The following OPHN1 variants were observed in gnomAD, a reference collection of about 807,000 sequenced individuals.
The protein encoded by OPHN1 is oligophrenin 1, also known as oligophrenin-1.
OPHN1 carries 11 observed loss-of-function variants against 60.7 expected under a neutral mutation model. That is an observed-to-expected ratio of 0.18 (90% CI 0.11 to 0.30). The LOEUF (loss-of-function observed/expected upper bound fraction) is 0.30, where lower values mean the gene tolerates loss of function less well. Ranked by LOEUF, OPHN1 falls within the 10% of genes least tolerant of loss-of-function variation. The pLI, the probability that OPHN1 is intolerant of heterozygous loss-of-function variation, is 1.00. For synonymous variants in OPHN1, 226 were observed against 222.6 expected, an observed-to-expected ratio of 1.02 and a Z score of -0.14; for missense variants, 449 against 611.0, an observed-to-expected ratio of 0.73 and a Z score of 2.80.
intron 3 of OPHN1, among the ~76,000 whole-genome samples, chrX:68,286,899 C>T (rs1400836288): frequency 9.2e-6 from 1 of 108,675 alleles, no homozygotes; most frequent in Non-Finnish European, 1.9e-5. Context: ...CCTGTAATTC[C>T]AGCTACTCAG....
rs2078896025 is a variant in OPHN1 at position 68,433,413 on chromosome X, C to G, written c.-250G>C. The stretch of plus-strand genomic sequence containing the variant: ...TGCAAACGTGACACTTGGGCCCGCC[C>G]AAGGTGTAGGCGAGGTTAGAGCTGG... On this transcript the variant is annotated 5_prime_UTR_variant, in exon 1 of 25. Coordinates refer to ENST00000355520, the MANE Select transcript of OPHN1 (RefSeq NM_002547.3). 1.8e-5 allele frequency: 5 copies of G among 280,908 alleles called. No homozygotes were observed. The highest frequency in any genetic ancestry group is 1.2e-5 in the Non-Finnish European group (2 of 160,551). The allele number at this position is 280,908 out of a possible 1,213,427, so 23.1% of individuals were successfully genotyped here.
intron 20 of OPHN1, among the ~76,000 whole-genome samples, chrX:68,065,098 A>C (rs1407768077): frequency 9.0e-6 from 1 of 111,334 alleles, no homozygotes; most frequent in Non-Finnish European, 1.9e-5. Context: ...ATATGTAACA[A>C]ACCTGCACGT....
At chrX:68,355,101 A>G (rs2078433764) in intron 2 of OPHN1, among the ~76,000 whole-genome samples, 1 of 111,928 alleles carries the variant, frequency 8.9e-6, no homozygotes, top group African/African-American at 3.2e-5. Context: ...AGCTCTGCAG[A>G]ATTCCTTCAT....
chrX:68,049,150 C>T (rs768188377), intron 23 of OPHN1, among the ~76,000 whole-genome samples: 83 of 111,721 alleles, frequency 7.4e-4, no homozygotes, highest in African/African-American at 2.4e-3. Context: ...ACTCCCCAGA[C>T]TTATATAGTG....
intron 9 of OPHN1, among the ~76,000 whole-genome samples, chrX:68,207,858 T>C (rs1271210334): frequency 9.0e-6 from 1 of 111,148 alleles, no homozygotes; most frequent in African/African-American, 3.3e-5. Context: ...TATTAATAAT[T>C]ACATCAGGAC....
chrX:68,274,684 T>A (rs1245148652), intron 5 of OPHN1, 54 bp downstream of exon 5: 10 of 835,680 alleles, frequency 1.2e-5, no homozygotes, highest in Non-Finnish European at 1.8e-5. Flanking sequence ...TAGTAGCCCA[T>A]ACAACTATTC....
intron 15 of OPHN1, among the ~76,000 whole-genome samples, chrX:68,169,282 G>C (rs190890729): frequency 1.8e-5 from 2 of 111,259 alleles, no homozygotes; most frequent in African/African-American, 6.5e-5. Context: ...AATAAAATAG[G>C]ATACAAAGAA....
chrX:68,143,816 G>A lies in OPHN1; in HGVS notation c.1277-24484C>T, dbSNP rs1001961516. Among the ~76,000 whole-genome samples, 9 of 111,415 alleles carry A rather than the reference G, an allele frequency of 8.1e-5. No homozygotes were observed. In the South Asian group the frequency reaches 1.1e-3, roughly 14 times the overall value. On this transcript the variant is annotated intron_variant, in intron 15 of 24. Coordinates refer to ENST00000355520, the MANE Select transcript of OPHN1 (RefSeq NM_002547.3). ...TTGTGTCTGGTTTCCTCTGAACATC[G>A]CTCTATGTGCCTTTTCCCGTTGCTA...
In OPHN1 at chrX:68,197,279, A is replaced by T. The variant is rs181246957; in HGVS notation, c.1026-15T>A. The T allele has an allele frequency of 1.6e-4, 183 of 1,174,833 alleles. No individual in the cohort carries two copies. In the African/African-American group the frequency reaches 3.0e-3, roughly 19 times the overall value. ...TGGTTCCTGGCCTGAGGGGGAAAAAAATGGTAAGTATAAAGCAGAAAATTC... is the reference window on the plus strand; with the variant it reads ...TGGTTCCTGGCCTGAGGGGGAAAAATATGGTAAGTATAAAGCAGAAAATTC... On this transcript the variant is annotated splice_polypyrimidine_tract_variant and intron_variant, in intron 11 of 24. Transcript: ENST00000355520.
chrX:68,161,896 A>C (rs1330812039), intron 15 of OPHN1, among the ~76,000 whole-genome samples: 1 of 111,562 alleles, frequency 9.0e-6, no homozygotes, highest in Non-Finnish European at 1.9e-5. Flanking sequence ...GGCAGCACAA[A>C]TTTATTAAAT....
intron 15 of OPHN1, among the ~76,000 whole-genome samples, chrX:68,126,986 C>T (rs1349883815): frequency 1.8e-5 from 2 of 111,989 alleles, no homozygotes; most frequent in East Asian, 5.6e-4. Flanking sequence ...ATCTTACAAA[C>T]TCAAATTTGA....
intron 19 of OPHN1, among the ~76,000 whole-genome samples, chrX:68,086,157 T>G (rs1602145699): frequency 1.1e-5 from 1 of 90,042 alleles, no homozygotes; most frequent in Middle Eastern, 7.0e-3. Flanking sequence ...CCAAACTGGG[T>G]GGCAGAAGTG....
chrX:68,136,895 G>A (rs2147470264), intron 15 of OPHN1, among the ~76,000 whole-genome samples: 1 of 111,596 alleles, frequency 9.0e-6, no homozygotes. Flanking sequence ...TATTTTTGCT[G>A]TACATAAAGT....
In OPHN1 at chrX:68,047,048, G is replaced by A. The variant is rs764250859; in HGVS notation, c.*124C>T. 1 of 111,895 alleles carries A rather than the reference G, an allele frequency of 8.9e-6. No individual in the cohort carries two copies. Among genetic ancestry groups the A allele is most frequent in the Non-Finnish European group, 1.9e-5 (1 of 53,178 alleles). 9.2% of individuals were successfully genotyped at this position (111,895 alleles called of 1,213,427 possible). A position where few individuals can be genotyped will look rare whatever the true frequency, so the allele number is the denominator to read the frequency against. ...GGCCTCCCAGAGAGAGTCTGAAAGT[G>A]CAAGGCTAGGAAGGAGCTGCTCTTC... On this transcript the variant is annotated 3_prime_UTR_variant, in exon 25 of 25. Coordinates refer to ENST00000355520, the MANE Select transcript of OPHN1 (RefSeq NM_002547.3).
chrX:68,217,497 C>T (rs2077619218), intron 6 of OPHN1, among the ~76,000 whole-genome samples: 1 of 111,454 alleles, frequency 9.0e-6, no homozygotes, highest in African/African-American at 3.2e-5. Flanking sequence ...AACAAAAAGA[C>T]AGCAGTAACC....
chrX:68,262,592 T>G (rs762054009), intron 5 of OPHN1, among the ~76,000 whole-genome samples: 2 of 112,162 alleles, frequency 1.8e-5, no homozygotes, highest in East Asian at 5.6e-4. Context: ...GAGACCAGCC[T>G]GACCAACATG....
chrX:68,233,002 C>A (rs933799194), intron 6 of OPHN1, among the ~76,000 whole-genome samples: 1 of 106,657 alleles, frequency 9.4e-6, no homozygotes, highest in African/African-American at 3.5e-5. Flanking sequence ...GATCTCAGCT[C>A]ACTGCAACCT....
chrX:68,144,022 T>G (rs1164245940), intron 15 of OPHN1, among the ~76,000 whole-genome samples: 1 of 110,480 alleles, frequency 9.1e-6, no homozygotes, highest in African/African-American at 3.3e-5. Flanking sequence ...TTTCTTTTCT[T>G]TTTTTGAGAT....
intron 3 of OPHN1, among the ~76,000 whole-genome samples, chrX:68,284,164 G>A (rs1210382243): frequency 1.8e-5 from 2 of 111,411 alleles, no homozygotes; most frequent in Non-Finnish European, 1.9e-5. Flanking sequence ...AAGGAAATGT[G>A]ACAAATATCA....
Sources: allele counts gnomAD v4.1 joint callset (sites outside exome capture counted in the v4.1 genomes callset), GRCh38; gene constraint gnomAD v4.1.1; transcripts MANE v1.5; gene names NCBI Gene and HGNC (gene_info 2026-07-23, HGNC 2026-07-21).